The following SYN3 variants were observed in gnomAD, a reference collection of about 807,000 sequenced individuals.
SYN3 encodes synapsin III, also known as synapsin-3.
In SYN3, 35 loss-of-function variants were observed where a neutral mutation model predicts 65.8. The ratio of observed to expected loss-of-function variants is 0.53; its 90% CI spans 0.41 to 0.70. The LOEUF is 0.70. SYN3 is among the 30% of genes least tolerant of loss of function. SYN3 has a pLI of 0.00. For synonymous variants in SYN3, 270 were observed against 292.9 expected (o/e 0.92, Z 0.80); for missense variants, 680 against 749.0 (o/e 0.91, Z 1.08).
intron 13 of SYN3, 42 bp from the exon 14 acceptor site, chr22:32,513,866 G>A (rs2057726381): frequency 1.2e-6 from 2 of 1,611,222 alleles, no homozygotes; most frequent in African/African-American, 1.3e-5. Context: ...ACAAGGCGAA[G>A]ACTATCAAAG....
intron 3 of SYN3, among the ~76,000 whole-genome samples, chr22:32,937,785 TGAAGA>T (rs2146733759): frequency 6.7e-6 from 1 of 150,342 alleles, no homozygotes; most frequent in South Asian, 2.1e-4. Context: ...CTAGTGAACT[TGAAGA>T]GAAAACAATA....
intron 6 of SYN3, among the ~76,000 whole-genome samples, chr22:32,640,785 T>C (rs1259292896): frequency 6.6e-6 from 1 of 151,712 alleles, no homozygotes; most frequent in Non-Finnish European, 1.5e-5. Context: ...GAGAATGGCG[T>C]GAACCTGGGA....
intron 4 of SYN3, among the ~76,000 whole-genome samples, chr22:32,920,742 A>G (rs760308995): frequency 1.3e-5 from 2 of 152,104 alleles, no homozygotes; most frequent in Non-Finnish European, 2.9e-5. Context: ...GCTCTGAGCT[A>G]CAGGAGATGG....
Position 32,869,064 on chromosome 22 carries a change from C to T in SYN3, c.523G>A (p.Glu175Lys). ...RQHAYSMALG[E>K]DYRSLVIGLQ... ...CCGATGACCAGGCTGCGGTAGTCTT[C>T]CCCCAGGGCCATGCTGTAGGCATGC... Residue 175 changes from glutamate (E) to lysine (K), a missense_variant, in exon 5 of 14, where the codon GAA becomes AAA. Coordinates refer to ENST00000358763, the MANE Select transcript of SYN3 (RefSeq NM_003490.4). 6.2e-7 allele frequency: 1 copy of T among 1,614,080 alleles called. No individual in the cohort carries two copies. The highest frequency in any genetic ancestry group is 1.1e-5 in the South Asian group (1 of 91,068).
chr22:32,994,271 C>G (rs988859390), intron 2 of SYN3, among the ~76,000 whole-genome samples: 1 of 151,984 alleles, frequency 6.6e-6, no homozygotes, highest in African/African-American at 2.4e-5. Flanking sequence ...TGCCCAGGAC[C>G]CCTCCCTCCC....
At chr22:32,533,011 G>T (rs1017177309) in intron 10 of SYN3, among the ~76,000 whole-genome samples, 1 of 151,926 alleles carries the variant, frequency 6.6e-6, no homozygotes, top group African/African-American at 2.4e-5. Flanking sequence ...GGGAGGGGAC[G>T]GGAGGGCTGT....
At chr22:32,542,653 T>TGC (rs150757283) in intron 7 of SYN3, among the ~76,000 whole-genome samples, 8 of 142,272 alleles carry the variant, frequency 5.6e-5, no homozygotes, top group East Asian at 2.0e-4. Context: ...TGTGTGTGTG[T>TGC]GCGCGCGCAC....
chr22:32,994,270 C>A (rs957596266), intron 2 of SYN3, among the ~76,000 whole-genome samples: 1 of 152,026 alleles, frequency 6.6e-6, no homozygotes, highest in African/African-American at 2.4e-5. Flanking sequence ...ATGCCCAGGA[C>A]CCCTCCCTCC....
intron 6 of SYN3, among the ~76,000 whole-genome samples, chr22:32,624,478 A>T (rs1259987828): frequency 6.6e-6 from 1 of 152,180 alleles, no homozygotes; most frequent in Non-Finnish European, 1.5e-5. Context: ...TACCGGGAAG[A>T]CTTCCTGCCA....
intron 6 of SYN3, among the ~76,000 whole-genome samples, chr22:32,674,558 A>G (rs1261743718): frequency 6.6e-6 from 1 of 152,226 alleles, no homozygotes; most frequent in Non-Finnish European, 1.5e-5. Flanking sequence ...CTACAGGTAC[A>G]GGATTGGGAG....
At chr22:32,626,721 C>T (rs888238398) in intron 6 of SYN3, among the ~76,000 whole-genome samples, 2 of 152,160 alleles carry the variant, frequency 1.3e-5, no homozygotes, top group African/African-American at 4.8e-5. Flanking sequence ...TTTGGTGCTA[C>T]CCAGTTTAAC....
intron 6 of SYN3, among the ~76,000 whole-genome samples, chr22:32,844,398 C>T (rs2146212851): frequency 6.6e-6 from 1 of 152,282 alleles, no homozygotes; most frequent in Admixed American, 6.5e-5. Flanking sequence ...ACTGCTAGAG[C>T]TGGAGGTGGG....
chr22:32,832,309 A>C (rs1368121799), intron 6 of SYN3, among the ~76,000 whole-genome samples: 2 of 152,228 alleles, frequency 1.3e-5, no homozygotes, highest in African/African-American at 4.8e-5. Context: ...GAAATGCATG[A>C]GTTAGAAATA....
chr22:32,784,023 A>G (rs1053708624), intron 6 of SYN3, among the ~76,000 whole-genome samples: 2 of 152,234 alleles, frequency 1.3e-5, no homozygotes, highest in African/African-American at 4.8e-5. Context: ...AAGTCCTTGG[A>G]AAGGCAATAT....
intron 6 of SYN3, chr22:32,859,129 T>C (rs774192591): frequency 6.3e-7 from 1 of 1,599,778 alleles, no homozygotes; most frequent in Non-Finnish European, 8.6e-7. Flanking sequence ...GCCTCAGGCC[T>C]GGGCATACCA....
At chr22:32,523,527 CA>C (rs2057924846) in intron 12 of SYN3, among the ~76,000 whole-genome samples, 1 of 152,042 alleles carries the variant, frequency 6.6e-6, no homozygotes, top group African/African-American at 2.4e-5. Flanking sequence ...AACAAACAAA[CA>C]AACAAACAAA....
intron 11 of SYN3, among the ~76,000 whole-genome samples, chr22:32,528,568 C>T (rs900168783): frequency 6.6e-6 from 1 of 152,234 alleles, no homozygotes; most frequent in Non-Finnish European, 1.5e-5. Flanking sequence ...AGGCCCAGCA[C>T]CGAGGGCACA....
rs1197883080 is a variant in SYN3 at position 32,509,231 on chromosome 22, T to A, written c.*4461A>T. Among the ~76,000 whole-genome samples the A allele has an allele frequency of 2.0e-5, 3 of 152,190 alleles. No individual in the cohort carries two copies. Among genetic ancestry groups the A allele is most frequent in the African/African-American group, 7.2e-5 (3 of 41,436 alleles). On this transcript the variant is annotated 3_prime_UTR_variant, in exon 14 of 14. Transcript: ENST00000358763. The stretch of plus-strand genomic sequence containing the variant: ...TGTCCGCTAAGGCTGCGTTTTTAAA[T>A]CCCTGTTCATTGTGAACAAATCAAA...
At chr22:33,010,942 T>C (rs879519003) in intron 1 of SYN3, among the ~76,000 whole-genome samples, 2 of 152,242 alleles carry the variant, frequency 1.3e-5, no homozygotes, top group Non-Finnish European at 2.9e-5. Context: ...ATTTTCAATA[T>C]ACTGACATGC....
Sources: gnomAD v4.1 joint callset for allele counts (sites outside exome capture counted in the v4.1 genomes callset) on GRCh38, gnomAD v4.1.1 for gene constraint, MANE v1.5 for transcripts, NCBI Gene and HGNC (gene_info 2026-07-23, HGNC 2026-07-21) for gene names.